The following GIGYF2 variants were observed in gnomAD, a reference collection of about 807,000 sequenced individuals.
GIGYF2 encodes GRB10 interacting GYF protein 2.
A neutral mutation model predicts 208.1 loss-of-function variants in GIGYF2; 25 were observed. The ratio of observed to expected loss-of-function variants is 0.12; its 90% CI spans 0.09 to 0.17. The LOEUF (loss-of-function observed/expected upper bound fraction) is 0.17. Ranked by LOEUF, GIGYF2 falls within the 10% of genes least tolerant of loss-of-function variation. The pLI is 1.00. For missense variants in GIGYF2, 1,302 were observed against 1,579.4 expected (o/e 0.82, Z 2.98); for synonymous variants, 534 against 543.8 (o/e 0.98, Z 0.25).
At chr2:232,765,111 TTTGA>T (rs1344288820) in intron 8 of GIGYF2, among the ~76,000 whole-genome samples, 7 of 152,226 alleles carry the variant, frequency 4.6e-5, no homozygotes, top group Admixed American at 2.0e-4. Flanking sequence ...TCATAGTCAC[TTTGA>T]TTGAATGCTT....
At chr2:232,855,662 A>G (rs1055117940) in intron 28 of GIGYF2, among the ~76,000 whole-genome samples, 3 of 152,138 alleles carry the variant, frequency 2.0e-5, no homozygotes, top group Admixed American at 1.3e-4. Context: ...AAAGTTTTTG[A>G]CTGGTGGGAA....
At chr2:232,836,304 ATATATATATATATATATATATAT>A (rs1559160555) in intron 22 of GIGYF2, among the ~76,000 whole-genome samples, 217 of 19,636 alleles carry the variant, frequency 0.011, 28 homozygotes, top group East Asian at 0.015. Context: ...ATATATATAT[ATATATATATATATATATATATAT>A]ATACATATAT....
intron 12 of GIGYF2, 118 bp downstream of exon 12, chr2:232,791,564 A>G: frequency 1.2e-6 from 1 of 850,606 alleles, no homozygotes; most frequent in South Asian, 1.4e-5. Context: ...GAATTATCGG[A>G]ATAGATTATT....
chr2:232,809,627 A>G, intron 15 of GIGYF2, 93 bp from the exon 16 acceptor site: 1 of 784,438 alleles, frequency 1.3e-6, no homozygotes, highest in Non-Finnish European at 2.3e-6. Context: ...AAGGTCTTAG[A>G]TTCATTTTGA....
intron 2 of GIGYF2, among the ~76,000 whole-genome samples, chr2:232,724,191 G>A (rs902221114): frequency 2.0e-5 from 3 of 148,342 alleles, no homozygotes; most frequent in Admixed American, 6.8e-5. Context: ...ACAGGCGCCC[G>A]CTGCCACACC....
At chr2:232,765,058 A>G (rs1698900574) in intron 8 of GIGYF2, among the ~76,000 whole-genome samples, 1 of 152,208 alleles carries the variant, frequency 6.6e-6, no homozygotes, top group Admixed American at 6.5e-5. Flanking sequence ...CTAGTATACT[A>G]AAATATCATG....
intron 21 of GIGYF2, among the ~76,000 whole-genome samples, chr2:232,821,169 T>A (rs1029313076): frequency 2.6e-5 from 4 of 152,066 alleles, no homozygotes; most frequent in African/African-American, 9.7e-5. Flanking sequence ...ACTTTGACAA[T>A]GTCCAATTTA....
intron 22 of GIGYF2, among the ~76,000 whole-genome samples, chr2:232,835,911 C>T (rs1409762121): frequency 1.3e-5 from 2 of 148,508 alleles, no homozygotes; most frequent in Non-Finnish European, 1.5e-5. Context: ...GTGGCTGCAG[C>T]GCTGACCCCG....
At chr2:232,830,738 T>A (rs1574933796) in intron 21 of GIGYF2, among the ~76,000 whole-genome samples, 1 of 152,060 alleles carries the variant, frequency 6.6e-6, no homozygotes, top group East Asian at 1.9e-4. Flanking sequence ...TCCCCACGAC[T>A]CAAGAGGCTG....
intron 15 of GIGYF2, among the ~76,000 whole-genome samples, chr2:232,808,290 A>G (rs1700620902): frequency 2.0e-5 from 3 of 152,338 alleles, no homozygotes; most frequent in South Asian, 2.1e-4. Context: ...TGAAATTAAG[A>G]TGAGTTTTGA....
intron 22 of GIGYF2, among the ~76,000 whole-genome samples, chr2:232,833,716 G>A (rs1176937284): frequency 6.6e-6 from 1 of 152,178 alleles, no homozygotes; most frequent in Non-Finnish European, 1.5e-5. Context: ...CAAGGCAGTT[G>A]CTCCCAGAGA....
intron 23 of GIGYF2, among the ~76,000 whole-genome samples, chr2:232,841,283 T>C (rs1701808338): frequency 6.6e-6 from 1 of 151,930 alleles, no homozygotes; most frequent in Admixed American, 6.6e-5. Context: ...AATTATTTCA[T>C]TCGTGTTTTC....
intron 2 of GIGYF2, among the ~76,000 whole-genome samples, chr2:232,704,982 C>A (rs1305426813): frequency 6.6e-6 from 1 of 151,286 alleles, no homozygotes; most frequent in Non-Finnish European, 1.5e-5. Flanking sequence ...GCCTCAGCCT[C>A]CCAAGTAGCT....
chr2:232,725,100 G>A (rs763800916), intron 2 of GIGYF2, among the ~76,000 whole-genome samples: 5 of 151,582 alleles, frequency 3.3e-5, no homozygotes, highest in Non-Finnish European at 7.4e-5. Flanking sequence ...CTTTCATGTC[G>A]GTGAAGTTTA....
rs6704889 is a variant in GIGYF2, at chr2:232,752,033, G to A, written c.267+2951G>A. On this transcript the variant is annotated intron_variant, in intron 5 of 28. Transcript: ENST00000373563. Reference sequence around the variant, plus strand: ...AAGGTCTGTATTCTGTGATCACAGCGTCTTGATGCAAGGATTGGGAGGTTT... The same window carrying A: ...AAGGTCTGTATTCTGTGATCACAGCATCTTGATGCAAGGATTGGGAGGTTT... Among the ~76,000 whole-genome samples, 882 of 152,228 alleles carry A rather than the reference G, an allele frequency of 5.8e-3. 4 individuals carry two copies. Among genetic ancestry groups the A allele is most frequent in the African/African-American group, 0.02 (841 of 41,546 alleles).
At chr2:232,799,350 C>T (rs11695762) in intron 14 of GIGYF2, among the ~76,000 whole-genome samples, 24,880 of 150,388 alleles carry the variant, frequency 0.17, 2,587 homozygotes, top group Non-Finnish European at 0.22. Context: ...TTGAGACCAG[C>T]GTGGGAAACA....
At chr2:232,738,602 T>A (rs1697836770) in intron 3 of GIGYF2, among the ~76,000 whole-genome samples, 1 of 152,244 alleles carries the variant, frequency 6.6e-6, no homozygotes, top group Admixed American at 6.5e-5. Context: ...TGATATAGAT[T>A]TTTGTACAGT....
chr2:232,840,732 G>A (rs924302720), intron 23 of GIGYF2, among the ~76,000 whole-genome samples: 1 of 152,202 alleles, frequency 6.6e-6, no homozygotes, highest in African/African-American at 2.4e-5. Context: ...GGTGGGTAGG[G>A]AGAGTGTTGG....
At chr2:232,721,394 T>A (rs1414494002) in intron 2 of GIGYF2, among the ~76,000 whole-genome samples, 1 of 152,232 alleles carries the variant, frequency 6.6e-6, no homozygotes, top group Non-Finnish European at 1.5e-5. Flanking sequence ...CATAAGATGT[T>A]TTTTGGCTTT....
Sources: allele counts gnomAD v4.1 joint callset (sites outside exome capture counted in the v4.1 genomes callset), GRCh38; gene constraint gnomAD v4.1.1; transcripts MANE v1.5; gene names NCBI Gene and HGNC (gene_info 2026-07-23, HGNC 2026-07-21).